Variants in HHLA2 observed in about 807,000 individuals in gnomAD.
HHLA2 encodes HERV-H LTR-associating protein 2.
HHLA2 carries 48 observed loss-of-function variants against 45.9 expected under a neutral mutation model. The observed-to-expected ratio is 1.05, with a 90% CI of 0.83 to 1.33. The LOEUF (loss-of-function observed/expected upper bound fraction) is 1.33, where lower values mean the gene tolerates loss of function less well. HHLA2 is among the 40% of genes most tolerant of loss of function. HHLA2 has a pLI of 0.00. For synonymous variants in HHLA2, 161 were observed against 173.9 expected, an observed-to-expected ratio of 0.93 and a Z score of 0.59; for missense variants, 462 against 494.3, an observed-to-expected ratio of 0.93 and a Z score of 0.62.
intron 2 of HHLA2, among the ~76,000 whole-genome samples, chr3:108,318,264 A>T (rs2107335018): frequency 6.6e-6 from 1 of 152,196 alleles, no homozygotes; most frequent in South Asian, 2.1e-4. Flanking sequence ...TTTTCTTCAG[A>T]CCTCACTATA....
intron 1 of HHLA2, among the ~76,000 whole-genome samples, chr3:108,300,173 G>A (rs762708364): frequency 1.3e-5 from 2 of 152,120 alleles, no homozygotes; most frequent in Non-Finnish European, 1.5e-5. Context: ...TGGGTGGGTC[G>A]AGGGGAAACA....
chr3:108,311,655 T>C (rs2081020182), intron 2 of HHLA2: 1 of 152,184 alleles, frequency 6.6e-6, no homozygotes, highest in Admixed American at 6.5e-5. Flanking sequence ...GTCTTTTCCA[T>C]AGTTGAGAAC....
chr3:108,308,734 A>C (rs2080970443), intron 1 of HHLA2, among the ~76,000 whole-genome samples: 1 of 152,100 alleles, frequency 6.6e-6, no homozygotes, highest in Admixed American at 6.6e-5. Context: ...ATCTCATTAT[A>C]GTTTTGATTT....
At chr3:108,346,129 C>G (rs1264496649) in intron 3 of HHLA2, among the ~76,000 whole-genome samples, 2 of 152,136 alleles carry the variant, frequency 1.3e-5, no homozygotes, top group Non-Finnish European at 2.9e-5. Context: ...AACGTTAGCA[C>G]ATAATCTTAG....
At chr3:108,357,035 CAGATGAAAGACCTTTTACACGT>C (rs1429668414) in intron 6 of HHLA2, among the ~76,000 whole-genome samples, 2 of 152,270 alleles carry the variant, frequency 1.3e-5, no homozygotes, top group East Asian at 3.9e-4. Context: ...AGGCCAAAAA[CAGATGAAAGACCTTTTACACGT>C]TGCTAAGGAG....
chr3:108,325,576 G>T, intron 2 of HHLA2: 1 of 255,322 alleles, frequency 3.9e-6, no homozygotes. Context: ...GCAAAGTATT[G>T]GCCTCCCCCA....
chr3:108,356,057 T>G (rs1223750322), intron 6 of HHLA2, among the ~76,000 whole-genome samples: 2 of 115,466 alleles, frequency 1.7e-5, no homozygotes, highest in Admixed American at 2.2e-4. Flanking sequence ...TGAGATGGAG[T>G]CTCCCTCTGT....
chr3:108,358,254 T>A, intron 7 of HHLA2, 93 bp downstream of exon 6: 1 of 804,702 alleles, frequency 1.2e-6, no homozygotes, highest in Non-Finnish European at 1.9e-6. Flanking sequence ...TTTTCAAGAA[T>A]ACATTGATAC....
At chr3:108,376,610 A>C (rs2082280465) in intron 10 of HHLA2, 53 bp downstream of exon 9, 1 of 1,490,200 alleles carries the variant, frequency 6.7e-7, no homozygotes, top group Non-Finnish European at 9.3e-7. Context: ...ATGCTTCTTT[A>C]AAAGGGTAAT....
rs201959417 is a variant in HHLA2, at chr3:108,340,895, C to CTT, written c.-26-10879_-26-10878dup. On this transcript the variant is annotated intron_variant, in intron 3 of 10. Coordinates refer to ENST00000619531, the Ensembl canonical transcript of HHLA2. Reference sequence around the variant, plus strand: ...GAGAGTAAAATAGCCAAACTCTTTTCTTTTTTTTTTTTTTTCCTTCCTTCC... The same window carrying CTT: ...GAGAGTAAAATAGCCAAACTCTTTTCTTTTTTTTTTTTTTTTTCCTTCCTTCC... Among the ~76,000 whole-genome samples the CTT allele has an allele frequency of 2.7e-3, 165 of 60,722 alleles. 27 individuals carry two copies. Among genetic ancestry groups the CTT allele is most frequent in the African/African-American group, 0.011 (127 of 11,960 alleles). The allele number at this position is 60,722 out of a possible 152,430, so 39.8% of individuals were successfully genotyped here.
intron 3 of HHLA2, among the ~76,000 whole-genome samples, chr3:108,331,337 T>A (rs1437265292): frequency 6.6e-6 from 1 of 152,180 alleles, no homozygotes; most frequent in Non-Finnish European, 1.5e-5. Context: ...GAAACAGAAG[T>A]GTGAGCATTT....
intron 7 of HHLA2, 54 bp downstream of exon 6, chr3:108,358,215 GT>G: frequency 7.7e-7 from 1 of 1,294,982 alleles, no homozygotes; most frequent in South Asian, 1.5e-5. Context: ...TTAGAGGTTT[GT>G]GAATATCAAA....
exon 2 of HHLA2, chr3:108,310,707 T>C (rs930988979): frequency 7.2e-5 from 11 of 152,608 alleles, no homozygotes; most frequent in African/African-American, 2.7e-4. Context: ...ATTTGAAAGC[T>C]TGAGAGACCA....
At chr3:108,377,221 AC>A in intron 10 of HHLA2, 36 bp from the exon 10 acceptor site, 1 of 1,386,686 alleles carries the variant, frequency 7.2e-7, no homozygotes, top group Non-Finnish European at 1.0e-6. Flanking sequence ...TCTGACTTGA[AC>A]AACAGACATT....
intron 1 of HHLA2, among the ~76,000 whole-genome samples, chr3:108,305,275 C>G (rs2080911331): frequency 1.3e-5 from 2 of 152,144 alleles, no homozygotes; most frequent in Admixed American, 6.5e-5. Flanking sequence ...GGAAGCAAGG[C>G]AAGGGAAGAT....
chr3:108,367,493 CA>C (rs1440036767), intron 8 of HHLA2, among the ~76,000 whole-genome samples: 2 of 151,764 alleles, frequency 1.3e-5, no homozygotes, highest in African/African-American at 4.8e-5. Flanking sequence ...CTAGAATAAC[CA>C]GTTTAGAGGA....
chr3:108,362,479 T>G, intron 8 of HHLA2, 33 bp downstream of exon 7: 99 of 1,277,640 alleles, frequency 7.7e-5, no homozygotes, highest in Non-Finnish European at 9.9e-5. Flanking sequence ...GCCCCACGTG[T>G]TCCACATCAC....
intron 2 of HHLA2, chr3:108,325,447 C>T: frequency 5.2e-6 from 2 of 386,698 alleles, no homozygotes; most frequent in South Asian, 2.0e-5. Context: ...GTAACCTGTA[C>T]CTCCCCTGTC....
chr3:108,375,945 A>T, intron 9 of HHLA2, 145 bp downstream of exon 8: 1 of 1,185,068 alleles, frequency 8.4e-7, no homozygotes, highest in Non-Finnish European at 1.1e-6. Context: ...CTGAAAATAT[A>T]TTTGAAGCTG....
Sources: gnomAD v4.1 joint callset for allele counts (sites outside exome capture counted in the v4.1 genomes callset) on GRCh38, gnomAD v4.1.1 for gene constraint, MANE v1.5 for transcripts, NCBI Gene and HGNC (gene_info 2026-07-23, HGNC 2026-07-21) for gene names.